The following PLXNB2 variants were observed in gnomAD, a reference collection of about 807,000 sequenced individuals.
PLXNB2 encodes the protein plexin-B2.
A neutral mutation model predicts 202.6 loss-of-function variants in PLXNB2; 85 were observed. The observed-to-expected ratio is 0.42, with a 90% CI of 0.35 to 0.50. The LOEUF (loss-of-function observed/expected upper bound fraction) is 0.50. Ranked by LOEUF, PLXNB2 falls within the 20% of genes least tolerant of loss-of-function variation. PLXNB2 has a pLI of 0.02. For synonymous variants in PLXNB2, 1,239 were observed against 1,137.6 expected, an observed-to-expected ratio of 1.09 and a Z score of -1.79; for missense variants, 2,063 against 2,586.2, an observed-to-expected ratio of 0.80 and a Z score of 4.39.
intron 2 of PLXNB2, among the ~76,000 whole-genome samples, chr22:50,294,001 T>C (rs2067080244): frequency 6.6e-6 from 1 of 152,216 alleles, no homozygotes; most frequent in South Asian, 2.1e-4. Flanking sequence ...TTCTGGTTCC[T>C]GGACAAACAA....
chr22:50,288,057 A>C lies in PLXNB2; in HGVS notation c.1381-20T>G. Reference sequence around the variant, plus strand: ...GAACACCTAGGGCAGCGGGGCCGTGAGTGGGACCACAGCAGAGGCCGCACG... The same window carrying C: ...GAACACCTAGGGCAGCGGGGCCGTGCGTGGGACCACAGCAGAGGCCGCACG... On this transcript the variant is annotated intron_variant, in intron 5 of 36. Transcript: ENST00000359337. This position sits in a 1 kb window ranked among gnomAD's most constrained non-coding sequence, Gnocchi z 5.0. 2 of 1,540,310 alleles carry C rather than the reference A, an allele frequency of 1.3e-6. No homozygotes were observed. Among genetic ancestry groups the C allele is most frequent in the Non-Finnish European group, 1.8e-6 (2 of 1,138,594 alleles).
Position 50,289,151 on chromosome 22 carries a change from C to A in PLXNB2, c.1069-9G>T. ...AAGCTCTTGCTGGAGCCCTGCGGAC[C>A]ACAGCGTGTCAATGGCAGGCAGACC... On this transcript the variant is annotated splice_polypyrimidine_tract_variant and intron_variant, in intron 3 of 36. Coordinates refer to ENST00000359337, the MANE Select transcript of PLXNB2 (RefSeq NM_012401.4). This position sits in a 1 kb window ranked among gnomAD's most constrained non-coding sequence, Gnocchi z 8.0. 6.4e-7 allele frequency: 1 copy of A among 1,551,302 alleles called. No individual in the cohort carries two copies.
rs368691623 is a variant in PLXNB2 at position 50,280,477 on chromosome 22, G to A, written c.4175+12C>T. On this transcript the variant is annotated intron_variant, in intron 25 of 36. Coordinates refer to ENST00000359337, the MANE Select transcript of PLXNB2 (RefSeq NM_012401.4). ...CGCCCGTGGCCCCGCTCGTGGCCCC[G>A]CCCATGTGCACCTGCGCAGCATCAG... 6.9e-6 allele frequency: 11 copies of A among 1,592,296 alleles called. No homozygotes were observed. Among genetic ancestry groups the A allele is most frequent in the African/African-American group, 4.0e-5 (3 of 74,552 alleles).
At chr22:50,276,800 G>GGGTGGGCATGGGGGCCTGGCCT in intron 34 of PLXNB2, 42 bp downstream of exon 34, 1 of 1,595,924 alleles carries the variant, frequency 6.3e-7, no homozygotes, top group Non-Finnish European at 8.6e-7. Flanking sequence ...AGGGGGTCGA[G>GGGTGGGCATGGGGGCCTGGCCT]GGTGGGCATG....
intron 17 of PLXNB2, 41 bp from the exon 18 acceptor site, chr22:50,282,922 C>G (rs371472945): frequency 6.4e-7 from 1 of 1,571,196 alleles, no homozygotes; most frequent in South Asian, 1.2e-5. Context: ...ACCCCTCCCC[C>G]GGGACCAGCC....
intron 34 of PLXNB2, 54 bp downstream of exon 34, chr22:50,276,788 G>T: frequency 1.9e-6 from 3 of 1,591,846 alleles, no homozygotes; most frequent in Non-Finnish European, 2.6e-6. Flanking sequence ...GAACCTCCCC[G>T]CAGGGGGTCG....
At position 50,275,883 on chromosome 22, in the gene PLXNB2, C is replaced by G; in HGVS notation, c.5412+6G>C. 6.2e-7 allele frequency: 1 copy of G among 1,612,396 alleles called. No homozygotes were observed. Among genetic ancestry groups the G allele is most frequent in the South Asian group, 1.1e-5 (1 of 91,086 alleles). On this transcript the variant is annotated splice_donor_region_variant and intron_variant, in intron 36 of 36. Transcript: ENST00000359337. ...CCTGCCCCCGCCCCCGGGGGCCTGA[C>G]CCTACCTCGTCATAGTACTTCTGCG...
At position 50,291,014 on chromosome 22, in the gene PLXNB2, C is replaced by T. The variant is rs768447334; in HGVS notation, c.-13-417G>A. On this transcript the variant is annotated intron_variant, in intron 2 of 36. Transcript: ENST00000359337. The surrounding 1 kb of genome is among the most constrained non-coding windows in gnomAD (Gnocchi z 4.3). Reference sequence around the variant, plus strand: ...ACGCACCGGCCCCAGCGCACAGGCTCAGGCTGACAGACAGACCCCTGGACG... The same window carrying T: ...ACGCACCGGCCCCAGCGCACAGGCTTAGGCTGACAGACAGACCCCTGGACG... Among the ~76,000 whole-genome samples, 1 of 152,222 alleles carries T rather than the reference C, an allele frequency of 6.6e-6. No homozygotes were observed. Among genetic ancestry groups the T allele is most frequent in the Non-Finnish European group, 1.5e-5 (1 of 68,036 alleles).
chr22:50,303,267 G>A lies in PLXNB2; in HGVS notation c.-74+4286C>T, dbSNP rs552857100. Among the ~76,000 whole-genome samples the A allele has an allele frequency of 3.9e-5, 6 of 152,282 alleles. No individual in the cohort carries two copies. The South Asian group carries it at 1.2e-3, about 32-fold the overall frequency. ...GCACGCTCCTACCACAGCCACCCAC[G>A]CAGCCTGAGGCATAGCCCCCTGGAA... On this transcript the variant is annotated intron_variant, in intron 1 of 36. Coordinates refer to ENST00000359337, the MANE Select transcript of PLXNB2 (RefSeq NM_012401.4).
At position 50,277,881 on chromosome 22, in the gene PLXNB2, C is replaced by T; in HGVS notation, c.5020G>A (p.Asp1674Asn). ...QAEKHNIQDEDTIHIWKTNSL... is the reference protein window; with the variant it reads ...QAEKHNIQDENTIHIWKTNSL... ...TTCGTCTTCCAGATGTGGATGGTGT[C>T]TTCATCCTGGATGTTGTGCTTCTCT... Residue 1674 changes from aspartate to asparagine, a missense_variant, in exon 32 of 37, where the codon GAC becomes AAC. Asp to Asn is a conservative substitution (Grantham distance 23). Coordinates refer to ENST00000359337, the MANE Select transcript of PLXNB2 (RefSeq NM_012401.4). 6.2e-7 allele frequency: 1 copy of T among 1,613,116 alleles called. No individual in the cohort carries two copies. Among genetic ancestry groups the T allele is most frequent in the Non-Finnish European group, 8.5e-7 (1 of 1,179,958 alleles).
Position 50,284,032 on chromosome 22 carries a change from C to G in PLXNB2, c.2264-42G>C. The G allele has an allele frequency of 6.6e-7, 1 of 1,521,582 alleles. No homozygotes were observed. 94.3% of individuals were successfully genotyped at this position (1,521,582 alleles called of 1,614,324 possible). A position where few individuals can be genotyped will look rare whatever the true frequency, so the allele number is the denominator to read the frequency against. On this transcript the variant is annotated intron_variant, in intron 13 of 36. Transcript: ENST00000359337. The surrounding 1 kb of genome is among the most constrained non-coding windows in gnomAD (Gnocchi z 8.0). ...CGTCAGTGGTCACCCCGTGCCTGCC[C>G]GCCCCCGACCTGCTCCCCACTGCGC...
rs375781285 is a variant in PLXNB2 at position 50,282,779 on chromosome 22, G to A, written c.2919C>T (p.Pro973=). The change falls in exon 18 of 37, where the codon CCC becomes CCT. Residue 973 remains proline (P), a synonymous_variant. Transcript: ENST00000359337. ...VSYGGSPVPN[P]GIFFTYRENP... is the part of the protein sequence containing the mutation. ...TTTCGCGGTAGGTGAAGAAGATGCCGGGGTTGGGCACGGGGGACCCCCCGT... is the reference window on the plus strand; with the variant it reads ...TTTCGCGGTAGGTGAAGAAGATGCCAGGGTTGGGCACGGGGGACCCCCCGT... 31 of 1,601,554 alleles carry A rather than the reference G, an allele frequency of 1.9e-5. No homozygotes were observed. The highest frequency in any genetic ancestry group is 1.6e-4 in the Middle Eastern group (1 of 6,066).
chr22:50,283,223 G>T, intron 16 of PLXNB2, 37 bp from the exon 17 acceptor site: 1 of 1,599,026 alleles, frequency 6.3e-7, no homozygotes, highest in Middle Eastern at 1.7e-4. Context: ...TGAGGACGGG[G>T]CACAGGACGC....
At chr22:50,307,035 C>T (rs1164361221) in intron 1 of PLXNB2, among the ~76,000 whole-genome samples, 1 of 152,208 alleles carries the variant, frequency 6.6e-6, no homozygotes, top group African/African-American at 2.4e-5. Context: ...TCCACCCAGA[C>T]GCCACTCTGG....
Position 50,279,692 on chromosome 22 carries a change from T to G in PLXNB2, c.4327A>C (p.Lys1443Gln). The G allele has an allele frequency of 6.2e-7, 1 of 1,613,968 alleles. No individual in the cohort carries two copies. Among genetic ancestry groups the G allele is most frequent in the African/African-American group, 1.3e-5 (1 of 75,042 alleles). ...GTGTCGTTGAGAGTGTACTTGGCCT[T>G]CTTCTGTACCGCATCCACCGGGCCC... ...EKGPVDAVQK[K>Q]AKYTLNDTGL... The change falls in exon 27 of 37, where the codon AAG (lysine) becomes CAG (glutamine). Residue 1443 changes from lysine (K) to glutamine (Q), a missense_variant. Physicochemically the swap from Lys to Gln is moderately conservative, Grantham distance 53. Around this residue, in one of 2 missense-constraint regions of PLXNB2, gnomAD observed 760 missense variants for 1,109.4 expected, o/e 0.69. Transcript: ENST00000359337.
chr22:50,276,267 G>A, intron 35 of PLXNB2, among the ~76,000 whole-genome samples: 1 of 151,888 alleles, frequency 6.6e-6, no homozygotes, highest in Non-Finnish European at 1.5e-5. Flanking sequence ...TGTGGGCACG[G>A]CCGTGGGTGC....
chr22:50,288,923 G>A lies in PLXNB2; in HGVS notation c.1251+37C>T, dbSNP rs2066667912. On this transcript the variant is annotated intron_variant, in intron 4 of 36. Transcript: ENST00000359337. The surrounding 1 kb of genome is among the most constrained non-coding windows in gnomAD (Gnocchi z 5.0). ...GGGTACGGGCCTTGTGCACAGACGG[G>A]CCCTCCAGAGCCTCCCCGCCCCAGC... 1.9e-6 allele frequency: 3 copies of A among 1,607,284 alleles called. No individual in the cohort carries two copies. The highest frequency in any genetic ancestry group is 1.7e-4 in the Middle Eastern group (1 of 6,048).
chr22:50,287,834 T>C (rs756797413), intron 6 of PLXNB2, 41 bp from the exon 7 acceptor site: 2 of 1,595,626 alleles, frequency 1.3e-6, no homozygotes, highest in Non-Finnish European at 1.7e-6. Context: ...GGTGGAGTCT[T>C]GTTCTCCCGG....
rs143935470 is a variant in PLXNB2, at chr22:50,281,835, G to A, written c.3345+19C>T. 7.7e-5 allele frequency: 124 copies of A among 1,603,102 alleles called. No individual in the cohort carries two copies. The African/African-American group carries it at 1.1e-3, about 15-fold the overall frequency. ...AGACCCGAGCAGGACCCAGACACCC[G>A]GGGCTGCACCGTCCTCACCCGGGCG... On this transcript the variant is annotated intron_variant, in intron 20 of 36. Transcript: ENST00000359337.
Sources: gnomAD v4.1 joint callset for allele counts (sites outside exome capture counted in the v4.1 genomes callset) on GRCh38, gnomAD v4.1.1 for gene constraint, gnomAD v4.1.1 regional missense constraint, Gnocchi (gnomAD v3.1) non-coding constraint, MANE v1.5 for transcripts, NCBI Gene and HGNC (gene_info 2026-07-23, HGNC 2026-07-21) for gene names.